SEMA4F: variants seen among roughly 807,000 people sequenced by gnomAD.
SEMA4F encodes the protein ssemaphorin 4F.
A neutral mutation model predicts 78.4 loss-of-function variants in SEMA4F; 51 were observed. The observed-to-expected ratio is 0.65, with a 90% CI of 0.52 to 0.82. The LOEUF (loss-of-function observed/expected upper bound fraction) is 0.82. Among genes scored for constraint, SEMA4F ranks in the 40% least tolerant of loss-of-function variants. The probability of loss-of-function intolerance (pLI) is 0.00; values close to 1 mark genes in which losing one functional copy is unlikely to be tolerated. For missense variants in SEMA4F, 938 were observed against 1,014.4 expected (o/e 0.92, Z 1.02); for synonymous variants, 418 against 408.7 (o/e 1.02, Z -0.27).
the SEMA4F span, among the ~76,000 whole-genome samples, chr2:74,698,896 T>C: frequency 6.6e-6 from 1 of 152,234 alleles, no homozygotes. Context: ...CCAGGTTTCA[T>C]GGTATTTGGT....
chr2:74,655,264 A>G, intron 1 of SEMA4F: 1 of 385,364 alleles, frequency 2.6e-6, no homozygotes, highest in Non-Finnish European at 5.3e-6. Flanking sequence ...ATGATTTTTC[A>G]AGTCTTCAGA....
In SEMA4F at chr2:74,666,157, C is replaced by T. The variant is rs140550708; in HGVS notation, c.550+3332C>T. On this transcript the variant is annotated intron_variant, in intron 5 of 13. Transcript: ENST00000357877. Reference sequence around the variant, plus strand: ...TCCTGACCTCATGATCTGCCTGCCTCGGCCTCTTAAAATGCTGGGATTACA... The same window carrying T: ...TCCTGACCTCATGATCTGCCTGCCTTGGCCTCTTAAAATGCTGGGATTACA... 4.6e-3 allele frequency among the ~76,000 whole-genome samples: 700 copies of T among 152,290 alleles called. 6 individuals are homozygous for T. The highest frequency in any genetic ancestry group is 0.016 in the African/African-American group (669 of 41,564).
rs998401972 is a variant in SEMA4F, at chr2:74,680,838, A to G, written c.*629A>G. ...TTTATGAGGGATGGGGAGGGAGACA[A>G]TTGGAATGGGGGCGTTGCCTGCAGA... On this transcript the variant is annotated 3_prime_UTR_variant, in exon 14 of 14. Coordinates refer to ENST00000357877, the MANE Select transcript of SEMA4F (RefSeq NM_004263.5). 1.3e-5 allele frequency: 2 copies of G among 152,308 alleles called. No homozygotes were observed. The highest frequency in any genetic ancestry group is 1.9e-4 in the East Asian group (1 of 5,176). The allele number at this position is 152,308 out of a possible 1,614,324, so 9.4% of individuals were successfully genotyped here. A position where few individuals can be genotyped will look rare whatever the true frequency, so the allele number is the denominator to read the frequency against.
the SEMA4F span, among the ~76,000 whole-genome samples, chr2:74,706,172 T>G: frequency 1.3e-5 from 2 of 152,206 alleles, no homozygotes; most frequent in African/African-American, 2.4e-5. Flanking sequence ...TTAATTCATT[T>G]AATTTTTACC....
chr2:74,677,339 C>G (rs1253286032), intron 12 of SEMA4F, among the ~76,000 whole-genome samples: 2 of 152,188 alleles, frequency 1.3e-5, no homozygotes, highest in Non-Finnish European at 2.9e-5. Flanking sequence ...CTCATCAGTA[C>G]GTTTACTCAT....
chr2:74,680,501 C>T lies in SEMA4F; in HGVS notation c.*292C>T, dbSNP rs1265844839. On this transcript the variant is annotated 3_prime_UTR_variant, in exon 14 of 14. Transcript: ENST00000357877. Reference sequence around the variant, plus strand: ...TTCATCCCTGGCCCCCTATCTTGGGCCCATTAGTTTTGGGGATGGGGCACA... The same window carrying T: ...TTCATCCCTGGCCCCCTATCTTGGGTCCATTAGTTTTGGGGATGGGGCACA... 6.6e-6 allele frequency: 2 copies of T among 304,982 alleles called. No individual in the cohort carries two copies. Among genetic ancestry groups the T allele is most frequent in the Non-Finnish European group, 1.2e-5 (2 of 165,894 alleles). The allele number at this position is 304,982 out of a possible 1,614,324, so 18.9% of individuals were successfully genotyped here. A position where few individuals can be genotyped will look rare whatever the true frequency, so the allele number is the denominator to read the frequency against.
the SEMA4F span, among the ~76,000 whole-genome samples, chr2:74,695,942 A>T: frequency 7.2e-5 from 11 of 152,156 alleles, no homozygotes; most frequent in Non-Finnish European, 1.3e-4. Context: ...CAAGGCTGTA[A>T]GGGACTGAGA....
intron 1 of SEMA4F, among the ~76,000 whole-genome samples, 160 bp downstream of exon 1, chr2:74,654,681 T>C (rs1684025771): frequency 6.6e-6 from 1 of 152,048 alleles, no homozygotes; most frequent in African/African-American, 2.4e-5. Flanking sequence ...ATCTTCGCAC[T>C]TCACCGCATC....
intron 3 of SEMA4F, 57 bp from the exon 4 acceptor site, chr2:74,657,796 C>G (rs930152717): frequency 1.3e-6 from 2 of 1,529,346 alleles, no homozygotes; most frequent in Non-Finnish European, 1.8e-6. Context: ...CTGACGTTAC[C>G]TTACCCTTCC....
chr2:74,703,842 C>T, the SEMA4F span, among the ~76,000 whole-genome samples: 1 of 152,196 alleles, frequency 6.6e-6, no homozygotes, highest in African/African-American at 2.4e-5. Context: ...TAGGAGGGTC[C>T]TCCTGCATCT....
At position 74,662,692 on chromosome 2, in the gene SEMA4F, C is replaced by A; in HGVS notation, c.457-40C>A. On this transcript the variant is annotated intron_variant, in intron 4 of 13. Coordinates refer to ENST00000357877, the MANE Select transcript of SEMA4F (RefSeq NM_004263.5). ...TTTGTAATTCTCACCATGAACCTTC[C>A]CTATGACCCCTAAACCAATTGCCCC... The A allele has an allele frequency of 2.0e-6, 3 of 1,528,826 alleles. No individual in the cohort carries two copies. The African/African-American group carries it at 4.1e-5, about 21-fold the overall frequency. The allele number at this position is 1,528,826 out of a possible 1,614,324, so 94.7% of individuals were successfully genotyped here. A position where few individuals can be genotyped will look rare whatever the true frequency, so the allele number is the denominator to read the frequency against.
chr2:74,705,475 T>C, the SEMA4F span, among the ~76,000 whole-genome samples: 1 of 152,242 alleles, frequency 6.6e-6, no homozygotes, highest in Non-Finnish European at 1.5e-5. Context: ...TATTGAGAAA[T>C]CTATTTATGG....
rs1343868801 is a variant in SEMA4F at position 74,675,165 on chromosome 2, A to G, written c.1153A>G (p.Ile385Val). ...DVPQPRPGEC[I>V]TNNMKLRHFG... ...ACCAGCCCTGTATTTCCTCTAGTGC[A>G]TCACCAACAACATGAAGCTCCGGCA... The change falls in exon 10 of 14, where the codon ATC (isoleucine) becomes GTC (valine). Residue 385 changes from isoleucine (I) to valine (V), a missense_variant. By Grantham distance (29) the Ile-to-Val change is conservative. Coordinates refer to ENST00000357877, the MANE Select transcript of SEMA4F (RefSeq NM_004263.5). 1 of 1,614,128 alleles carries G rather than the reference A, an allele frequency of 6.2e-7. No individual in the cohort carries two copies. The highest frequency in any genetic ancestry group is 2.2e-5 in the East Asian group (1 of 44,874).
chr2:74,690,072 A>G, the SEMA4F span, among the ~76,000 whole-genome samples: 1 of 152,120 alleles, frequency 6.6e-6, no homozygotes, highest in Non-Finnish European at 1.5e-5. Context: ...ACCCCCTAGC[A>G]CAAGCCTGAG....
chr2:74,688,703 T>C (rs1220319407), downstream of SEMA4F, among the ~76,000 whole-genome samples: 3 of 152,236 alleles, frequency 2.0e-5, no homozygotes, highest in Non-Finnish European at 4.4e-5. Context: ...TACTCCAGTT[T>C]TGGGAAATTT....
chr2:74,708,195 C>T, the SEMA4F span, among the ~76,000 whole-genome samples: 1 of 151,760 alleles, frequency 6.6e-6, no homozygotes, highest in Non-Finnish European at 1.5e-5. Flanking sequence ...TTAACTTATC[C>T]CAGAGCAAAG....
chr2:74,654,574 C>T, intron 1 of SEMA4F, 53 bp downstream of exon 1: 1 of 1,443,126 alleles, frequency 6.9e-7, no homozygotes, highest in South Asian at 1.4e-5. Context: ...CCCACACCCA[C>T]ACCCACCTGC....
rs1685582936 is a variant in SEMA4F, at chr2:74,680,982, A to C, written c.*773A>C. 6.6e-6 allele frequency: 1 copy of C among 152,520 alleles called. No homozygotes were observed. The highest frequency in any genetic ancestry group is 1.5e-5 in the Non-Finnish European group (1 of 68,054). The allele number at this position is 152,520 out of a possible 1,614,324, so 9.4% of individuals were successfully genotyped here. A position where few individuals can be genotyped will look rare whatever the true frequency, so the allele number is the denominator to read the frequency against. On this transcript the variant is annotated 3_prime_UTR_variant, in exon 14 of 14. Transcript: ENST00000357877. ...AAATTTGAGTAGAGAAAAGCTCCTA[A>C]AGTGACCTTCCGGGTGGGAAGGGCA...
chr2:74,709,375 T>C, the SEMA4F span, among the ~76,000 whole-genome samples: 1 of 152,170 alleles, frequency 6.6e-6, no homozygotes, highest in African/African-American at 2.4e-5. Flanking sequence ...TCAGTGAAAA[T>C]GTCATTCAGG....
Sources: allele counts gnomAD v4.1 joint callset (sites outside exome capture counted in the v4.1 genomes callset), GRCh38; gene constraint gnomAD v4.1.1; transcripts MANE v1.5; gene names NCBI Gene and HGNC (gene_info 2026-07-23, HGNC 2026-07-21).